Variants in KLHL1 observed in about 807,000 individuals in gnomAD.
The protein encoded by KLHL1 is kelch-like protein 1.
KLHL1 carries 47 observed loss-of-function variants against 77.7 expected under a neutral mutation model. The observed-to-expected ratio is 0.60, with a 90% CI of 0.48 to 0.77. The LOEUF is 0.77. Among genes scored for constraint, KLHL1 ranks in the 30% least tolerant of loss-of-function variants. The probability of loss-of-function intolerance (pLI) is 0.00; values close to 1 mark genes in which losing one functional copy is unlikely to be tolerated. For missense variants in KLHL1, 925 were observed against 910.8 expected (o/e 1.02, Z -0.20); for synonymous variants, 360 against 325.2 (o/e 1.11, Z -1.15).
intron 1 of KLHL1, among the ~76,000 whole-genome samples, chr13:70,091,768 T>C (rs1887677453): frequency 6.6e-6 from 1 of 152,134 alleles, no homozygotes; most frequent in South Asian, 2.1e-4. Flanking sequence ...TAATTCTACA[T>C]TCTACTTCTA....
At chr13:69,994,240 A>G (rs1340313959) in intron 1 of KLHL1, among the ~76,000 whole-genome samples, 1 of 152,134 alleles carries the variant, frequency 6.6e-6, no homozygotes, top group Non-Finnish European at 1.5e-5. Flanking sequence ...TCATAAAATT[A>G]TGCTATTAAT....
At chr13:70,078,550 CA>C (rs1423654402) in intron 1 of KLHL1, among the ~76,000 whole-genome samples, 3 of 152,018 alleles carry the variant, frequency 2.0e-5, no homozygotes, top group African/African-American at 7.2e-5. Context: ...GCTTGGCAGT[CA>C]CACAAACAGT....
At chr13:69,809,729 G>A (rs530789681) in intron 6 of KLHL1, among the ~76,000 whole-genome samples, 8 of 151,706 alleles carry the variant, frequency 5.3e-5, no homozygotes, top group Non-Finnish European at 1.2e-4. Flanking sequence ...CTAAACACTC[G>A]ATTTAAAAGA....
chr13:69,803,169 G>A (rs1469108458), intron 6 of KLHL1: 4 of 151,864 alleles, frequency 2.6e-5, no homozygotes, highest in Admixed American at 2.0e-4. Context: ...TTTTGTGTAG[G>A]GAGTTTTAAA....
At chr13:69,868,806 A>T (rs1348375106) in intron 5 of KLHL1, among the ~76,000 whole-genome samples, 1 of 152,136 alleles carries the variant, frequency 6.6e-6, no homozygotes, top group African/African-American at 2.4e-5. Flanking sequence ...TACACGTATC[A>T]GTGATTAATG....
chr13:70,062,727 C>A (rs2137407349), intron 1 of KLHL1, among the ~76,000 whole-genome samples: 1 of 152,080 alleles, frequency 6.6e-6, no homozygotes, highest in East Asian at 1.9e-4. Context: ...ATTCTTGCTT[C>A]TTAATGTATT....
chr13:69,863,023 G>A (rs1177033970), intron 5 of KLHL1, among the ~76,000 whole-genome samples: 1 of 152,074 alleles, frequency 6.6e-6, no homozygotes, highest in African/African-American at 2.4e-5. Context: ...TACTCTATGT[G>A]TATTGTTAGC....
intron 4 of KLHL1, among the ~76,000 whole-genome samples, chr13:69,910,677 C>T (rs1198204027): frequency 6.6e-6 from 1 of 151,984 alleles, no homozygotes; most frequent in Non-Finnish European, 1.5e-5. Context: ...ATATAAAACA[C>T]TCAAATACTG....
chr13:69,951,148 CAG>C (rs964933346), intron 3 of KLHL1, among the ~76,000 whole-genome samples: 5 of 151,600 alleles, frequency 3.3e-5, no homozygotes, highest in Admixed American at 6.6e-5. Context: ...TGAATACAAA[CAG>C]AGTTTTAAGA....
At chr13:69,737,002 T>C (rs1873792648) in intron 8 of KLHL1, among the ~76,000 whole-genome samples, 1 of 152,080 alleles carries the variant, frequency 6.6e-6, no homozygotes. Flanking sequence ...TTTTCTCTTA[T>C]TAGGACTGAC....
chr13:69,790,007 G>A (rs902693342), intron 7 of KLHL1, among the ~76,000 whole-genome samples: 76 of 151,952 alleles, frequency 5.0e-4, no homozygotes, highest in African/African-American at 1.5e-3. Flanking sequence ...GGCGTTCACC[G>A]AGATGTAATT....
intron 10 of KLHL1, among the ~76,000 whole-genome samples, chr13:69,705,065 A>T (rs774924362): frequency 6.6e-6 from 1 of 151,752 alleles, no homozygotes; most frequent in African/African-American, 2.4e-5. Context: ...TTAATAAATG[A>T]CACATTGTCT....
chr13:70,050,630 G>T (rs940920606), intron 1 of KLHL1, among the ~76,000 whole-genome samples: 1 of 151,786 alleles, frequency 6.6e-6, no homozygotes, highest in Non-Finnish European at 1.5e-5. Context: ...CACAGATTTT[G>T]ATTACAATTT....
intron 1 of KLHL1, among the ~76,000 whole-genome samples, chr13:70,043,360 T>A (rs1886423260): frequency 6.6e-6 from 1 of 152,190 alleles, no homozygotes; most frequent in African/African-American, 2.4e-5. Flanking sequence ...ATGCTAAAAG[T>A]TTATAAGTTA....
chr13:69,785,060 T>G (rs866431720), intron 7 of KLHL1, among the ~76,000 whole-genome samples: 1,727 of 151,298 alleles, frequency 0.011, 32 homozygotes, highest in African/African-American at 0.039. Context: ...CGGCTAATTT[T>G]TTTTTGTATT....
rs543908530 is a variant in KLHL1 at position 69,967,381 on chromosome 13, A to C, written c.681-5937T>G. Among the ~76,000 whole-genome samples, 31 of 152,270 alleles carry C rather than the reference A, an allele frequency of 2.0e-4. No homozygotes were observed. In the South Asian group the frequency reaches 6.4e-3, roughly 32 times the overall value. ...GAAGGGTTTAAGACATCAGTGGAGG[A>C]AGTAACCTTACTAGAAGTAACCTCT... is the stretch of plus-strand genomic sequence containing the variant. On this transcript the variant is annotated intron_variant, in intron 2 of 10. Coordinates refer to ENST00000377844, the MANE Select transcript of KLHL1 (RefSeq NM_020866.3).
intron 5 of KLHL1, among the ~76,000 whole-genome samples, chr13:69,877,005 C>A (rs1880795504): frequency 6.6e-6 from 1 of 151,998 alleles, no homozygotes; most frequent in Non-Finnish European, 1.5e-5. Flanking sequence ...CCACTGCACT[C>A]CAGCCTGGGC....
At position 70,038,837 on chromosome 13, in the gene KLHL1, C is replaced by T. The variant is rs557824417; in HGVS notation, c.498-63035G>A. ...AACTCCTGACCTCAGGTGATCCACCCGCCTTGGCCTCCCATAGTGCTGGGA... is the reference window on the plus strand; with the variant it reads ...AACTCCTGACCTCAGGTGATCCACCTGCCTTGGCCTCCCATAGTGCTGGGA... On this transcript the variant is annotated intron_variant, in intron 1 of 10. Transcript: ENST00000377844. Among the ~76,000 whole-genome samples the T allele has an allele frequency of 5.3e-5, 8 of 151,864 alleles. No individual in the cohort carries two copies. The East Asian group carries it at 1.6e-3, about 30-fold the overall frequency.
intron 7 of KLHL1, among the ~76,000 whole-genome samples, chr13:69,741,780 A>G (rs1873999537): frequency 6.6e-6 from 1 of 152,164 alleles, no homozygotes; most frequent in South Asian, 2.1e-4. Context: ...CAGTTTCACA[A>G]CCCAGGACTA....
Sources: gnomAD v4.1 joint callset for allele counts (sites outside exome capture counted in the v4.1 genomes callset) on GRCh38, gnomAD v4.1.1 for gene constraint, MANE v1.5 for transcripts, NCBI Gene and HGNC (gene_info 2026-07-23, HGNC 2026-07-21) for gene names.